LINGO2: variants seen among roughly 807,000 people sequenced by gnomAD.
LINGO2 encodes leucine-rich repeat and immunoglobulin-like domain-containing nogo receptor-interacting protein 2.
Under a neutral mutation model 30.6 loss-of-function variants are expected in LINGO2, and 14 were observed. That is an observed-to-expected ratio of 0.46 (90% CI 0.30 to 0.72). The LOEUF (loss-of-function observed/expected upper bound fraction) is 0.72. Among genes scored for constraint, LINGO2 ranks in the 30% least tolerant of loss-of-function variants. The pLI is 0.07. For synonymous variants in LINGO2, 317 were observed against 288.5 expected (o/e 1.10, Z -1.00); for missense variants, 729 against 751.7 (o/e 0.97, Z 0.35).
Position 28,189,714 on chromosome 9 carries a change from A to AG in LINGO2, c.-87+105493dup, listed in dbSNP as rs1238614292. ...AAGGAAGGGAGGGAGGAAGGAAGGA[A>AG]GGAAGGAAGGTTGGTTCAAAAGATG... On this transcript the variant is annotated intron_variant, in intron 4 of 5. Transcript: ENST00000379992. Among the ~76,000 whole-genome samples the AG allele has an allele frequency of 2.3e-3, 312 of 137,470 alleles. 10 individuals carry two copies. The highest frequency in any genetic ancestry group is 9.4e-3 in the African/African-American group (294 of 31,218). 90.2% of individuals were successfully genotyped at this position (137,470 alleles called of 152,430 possible).
chr9:28,447,970 T>C (rs1269412225), intron 2 of LINGO2, among the ~76,000 whole-genome samples: 1 of 152,136 alleles, frequency 6.6e-6, no homozygotes, highest in Non-Finnish European at 1.5e-5. Flanking sequence ...CTGATTTTAA[T>C]TGATGCCAGA....
At chr9:28,378,659 AT>A (rs761184744) in intron 2 of LINGO2, among the ~76,000 whole-genome samples, 4 of 152,156 alleles carry the variant, frequency 2.6e-5, no homozygotes, top group Non-Finnish European at 5.9e-5. Context: ...ATCATTCACT[AT>A]TCTAAACAGC....
At chr9:29,044,664 C>T in the LINGO2 span, among the ~76,000 whole-genome samples, 3 of 151,908 alleles carry the variant, frequency 2.0e-5, no homozygotes, top group Non-Finnish European at 4.4e-5. Context: ...TTGTTTGTAA[C>T]TGAAACATAT....
At chr9:28,848,144 T>C in the LINGO2 span, among the ~76,000 whole-genome samples, 163 of 112,750 alleles carry the variant, frequency 1.4e-3, 4 homozygotes, top group Non-Finnish European at 2.2e-3. Flanking sequence ...AGCATATATA[T>C]ACTATATATA....
At chr9:28,461,173 G>A (rs1029228091) in intron 2 of LINGO2, among the ~76,000 whole-genome samples, 2 of 152,118 alleles carry the variant, frequency 1.3e-5, no homozygotes, top group African/African-American at 4.8e-5. Flanking sequence ...GGAAATTGAA[G>A]TTGATTCTAA....
chr9:28,936,362 G>A, the LINGO2 span, among the ~76,000 whole-genome samples: 1 of 152,052 alleles, frequency 6.6e-6, no homozygotes, highest in Admixed American at 6.6e-5. Context: ...AGGAACAGAA[G>A]GTCACCAAAA....
chr9:28,411,388 T>C (rs541954702), intron 2 of LINGO2, among the ~76,000 whole-genome samples: 1 of 152,114 alleles, frequency 6.6e-6, no homozygotes, highest in Non-Finnish European at 1.5e-5. Flanking sequence ...TAACCATTTT[T>C]AGGTATACAA....
chr9:28,252,381 A>G (rs972836147), intron 4 of LINGO2, among the ~76,000 whole-genome samples: 3 of 151,996 alleles, frequency 2.0e-5, no homozygotes, highest in African/African-American at 7.2e-5. Flanking sequence ...ACGCATCACT[A>G]TGCCTAGCTA....
intron 5 of LINGO2, among the ~76,000 whole-genome samples, chr9:27,962,708 C>T (rs973101998): frequency 1.3e-5 from 2 of 152,146 alleles, no homozygotes; most frequent in Non-Finnish European, 2.9e-5. Context: ...CTGCTGGCTC[C>T]ACTTAGCTTT....
At chr9:28,972,608 T>A in the LINGO2 span, among the ~76,000 whole-genome samples, 1 of 152,120 alleles carries the variant, frequency 6.6e-6, no homozygotes, top group Non-Finnish European at 1.5e-5. Flanking sequence ...TTTGAAAATA[T>A]GCAGTCAGAA....
chr9:28,053,388 TAA>T (rs76525071), intron 4 of LINGO2, among the ~76,000 whole-genome samples: 22 of 151,914 alleles, frequency 1.4e-4, no homozygotes, highest in African/African-American at 5.3e-4. Context: ...AGCAAGATCA[TAA>T]AAAAACTGCA....
the LINGO2 span, among the ~76,000 whole-genome samples, chr9:29,081,663 G>A: frequency 7.9e-5 from 12 of 152,130 alleles, no homozygotes; most frequent in Non-Finnish European, 2.9e-5. Flanking sequence ...CAGATTACAT[G>A]ATTCTATATT....
intron 4 of LINGO2, among the ~76,000 whole-genome samples, chr9:28,163,078 A>G (rs779564146): frequency 3.0e-4 from 45 of 152,192 alleles, no homozygotes; most frequent in Non-Finnish European, 5.6e-4. Flanking sequence ...TTAGAAATTT[A>G]AAAGCTAGAG....
chr9:28,007,378 G>A (rs1822318506), intron 5 of LINGO2, among the ~76,000 whole-genome samples: 1 of 152,030 alleles, frequency 6.6e-6, no homozygotes, highest in African/African-American at 2.4e-5. Context: ...TACGCATGAT[G>A]AAAACTGAGT....
At chr9:29,075,391 A>G in the LINGO2 span, among the ~76,000 whole-genome samples, 1 of 152,124 alleles carries the variant, frequency 6.6e-6, no homozygotes. Context: ...GCCAAAATAT[A>G]TCTCAGATGG....
intron 1 of LINGO2, among the ~76,000 whole-genome samples, chr9:28,552,001 G>A (rs571725327): frequency 6.6e-6 from 1 of 151,742 alleles, no homozygotes; most frequent in South Asian, 2.1e-4. Flanking sequence ...TTTATTGTAC[G>A]ATTTTTAAAT....
the LINGO2 span, among the ~76,000 whole-genome samples, chr9:28,861,376 A>C: frequency 7.3e-6 from 1 of 137,636 alleles, no homozygotes; most frequent in South Asian, 2.1e-4. Flanking sequence ...TATACACACA[A>C]AAATCTTGTT....
chr9:28,794,614 A>G, the LINGO2 span, among the ~76,000 whole-genome samples: 1 of 152,076 alleles, frequency 6.6e-6, no homozygotes, highest in African/African-American at 2.4e-5. Context: ...TCATTTTCTT[A>G]AAAATACTAG....
intron 3 of LINGO2, among the ~76,000 whole-genome samples, chr9:28,311,462 T>A (rs1824616287): frequency 6.6e-6 from 1 of 152,100 alleles, no homozygotes; most frequent in South Asian, 2.1e-4. Flanking sequence ...GCTTATTACA[T>A]CCCTACAGCT....
Sources: allele counts gnomAD v4.1 joint callset (sites outside exome capture counted in the v4.1 genomes callset), GRCh38; gene constraint gnomAD v4.1.1; transcripts MANE v1.5; gene names NCBI Gene and HGNC (gene_info 2026-07-23, HGNC 2026-07-21).